Variants in SGCZ observed in about 807,000 individuals in gnomAD.
The protein encoded by SGCZ is zeta-sarcoglycan.
In SGCZ, 40 loss-of-function variants were observed where a neutral mutation model predicts 41.3. The observed-to-expected ratio is 0.97, with a 90% CI of 0.75 to 1.26. The LOEUF is 1.26. Among genes scored for constraint, SGCZ ranks in the 50% most tolerant of loss-of-function variants. The pLI, the probability that SGCZ is intolerant of heterozygous loss-of-function variation, is 0.00. For synonymous variants in SGCZ, 206 were observed against 137.5 expected, an observed-to-expected ratio of 1.50 and a Z score of -3.49; for missense variants, 552 against 369.8, an observed-to-expected ratio of 1.49 and a Z score of -4.04.
At chr8:14,997,287 C>G (rs1453100019) in intron 1 of SGCZ, among the ~76,000 whole-genome samples, 1 of 152,118 alleles carries the variant, frequency 6.6e-6, no homozygotes, top group Non-Finnish European at 1.5e-5. Context: ...TATTTCTTTG[C>G]TATGAAACAT....
At chr8:14,312,203 G>A (rs557215871) in intron 3 of SGCZ, among the ~76,000 whole-genome samples, 2 of 152,170 alleles carry the variant, frequency 1.3e-5, no homozygotes, top group African/African-American at 2.4e-5. Flanking sequence ...GATTTGAAAC[G>A]TTCAGAACGT....
chr8:14,708,812 A>AGTCT (rs1554485100), intron 1 of SGCZ, among the ~76,000 whole-genome samples: 2 of 148,584 alleles, frequency 1.3e-5, no homozygotes, highest in African/African-American at 2.5e-5. Flanking sequence ...GTTTTATTCG[A>AGTCT]GTGTGTGTGT....
At chr8:15,081,799 A>T (rs990204569) in intron 1 of SGCZ, among the ~76,000 whole-genome samples, 2 of 152,196 alleles carry the variant, frequency 1.3e-5, no homozygotes, top group East Asian at 3.8e-4. Flanking sequence ...CCAGGGTTAC[A>T]GGTGTGCTAT....
chr8:14,784,976 AT>A (rs1268794462), intron 1 of SGCZ, among the ~76,000 whole-genome samples: 47 of 140,768 alleles, frequency 3.3e-4, no homozygotes, highest in South Asian at 8.7e-4. Context: ...TAATATATAT[AT>A]TTTTTATATA....
At chr8:14,622,808 G>C (rs1806328670) in intron 1 of SGCZ, among the ~76,000 whole-genome samples, 1 of 152,108 alleles carries the variant, frequency 6.6e-6, no homozygotes, top group Non-Finnish European at 1.5e-5. Flanking sequence ...TGTTATTAGT[G>C]GCTTCCAGTT....
chr8:15,114,145 G>A (rs563119850), intron 1 of SGCZ, among the ~76,000 whole-genome samples: 1 of 152,144 alleles, frequency 6.6e-6, no homozygotes, highest in East Asian at 1.9e-4. Flanking sequence ...ATTCTAACTT[G>A]CATCCGAATA....
intron 2 of SGCZ, among the ~76,000 whole-genome samples, chr8:14,548,884 G>T (rs184680215): frequency 6.6e-6 from 1 of 152,042 alleles, no homozygotes; most frequent in African/African-American, 2.4e-5. Context: ...GGTATTTGGC[G>T]GGAATTATGT....
At chr8:14,931,184 G>A (rs1799913646) in intron 1 of SGCZ, among the ~76,000 whole-genome samples, 1 of 151,772 alleles carries the variant, frequency 6.6e-6, no homozygotes, top group African/African-American at 2.4e-5. Flanking sequence ...TTTCCTTGCT[G>A]GATTCTTGAT....
intron 5 of SGCZ, among the ~76,000 whole-genome samples, chr8:14,128,764 A>T (rs1010681545): frequency 6.6e-6 from 1 of 152,130 alleles, no homozygotes; most frequent in African/African-American, 2.4e-5. Flanking sequence ...CAGCCATAAA[A>T]AAAGAATAAA....
intron 1 of SGCZ, among the ~76,000 whole-genome samples, chr8:14,699,060 T>C (rs999473346): frequency 1.3e-5 from 2 of 151,708 alleles, no homozygotes; most frequent in African/African-American, 2.4e-5. Flanking sequence ...TCTAACTTCT[T>C]TGAGCTTTAA....
At chr8:14,876,421 T>C (rs1263928115) in intron 1 of SGCZ, among the ~76,000 whole-genome samples, 1 of 152,172 alleles carries the variant, frequency 6.6e-6, no homozygotes, top group Non-Finnish European at 1.5e-5. Context: ...GTCAATTACG[T>C]TACTTTCATT....
At chr8:14,341,086 G>A (rs1026518411) in intron 2 of SGCZ, among the ~76,000 whole-genome samples, 1 of 152,094 alleles carries the variant, frequency 6.6e-6, no homozygotes, top group Non-Finnish European at 1.5e-5. Flanking sequence ...AGTCATCTAT[G>A]TTGTAGCATG....
At chr8:14,787,858 G>C (rs1363885725) in intron 1 of SGCZ, among the ~76,000 whole-genome samples, 1 of 151,966 alleles carries the variant, frequency 6.6e-6, no homozygotes, top group Non-Finnish European at 1.5e-5. Context: ...AAAAAAAAAG[G>C]AATATTCCTA....
At chr8:14,912,496 T>G (rs1279432100) in intron 1 of SGCZ, among the ~76,000 whole-genome samples, 2 of 152,088 alleles carry the variant, frequency 1.3e-5, no homozygotes, top group Admixed American at 1.3e-4. Context: ...ATGCATCATT[T>G]TATAAACATT....
chr8:14,231,639 C>A (rs983599515), intron 4 of SGCZ, among the ~76,000 whole-genome samples: 7 of 151,956 alleles, frequency 4.6e-5, no homozygotes, highest in African/African-American at 7.3e-5. Flanking sequence ...CATAACTACC[C>A]TTTTTGTTAT....
intron 1 of SGCZ, among the ~76,000 whole-genome samples, chr8:14,948,441 A>G (rs1165703035): frequency 6.6e-6 from 1 of 151,830 alleles, no homozygotes; most frequent in Admixed American, 6.6e-5. Context: ...CTTTGAAAAG[A>G]TTGTCCTCAC....
At chr8:15,015,748 TG>T in intron 1 of SGCZ, among the ~76,000 whole-genome samples, 1 of 149,670 alleles carries the variant, frequency 6.7e-6, no homozygotes, top group Non-Finnish European at 1.5e-5. Context: ...TGTGTGTGTG[TG>T]TGTGTGTGTG....
intron 1 of SGCZ, among the ~76,000 whole-genome samples, chr8:14,626,315 C>T (rs1040633356): frequency 2.0e-5 from 3 of 152,112 alleles, no homozygotes; most frequent in African/African-American, 7.2e-5. Context: ...TCCCCCAACC[C>T]CCTCAACAGG....
At chr8:14,814,002 A>G (rs2130546036) in intron 1 of SGCZ, among the ~76,000 whole-genome samples, 1 of 152,284 alleles carries the variant, frequency 6.6e-6, no homozygotes, top group Non-Finnish European at 1.5e-5. Flanking sequence ...CACAAGTGCT[A>G]CAAAAGATAA....
Sources: allele counts gnomAD v4.1 joint callset (sites outside exome capture counted in the v4.1 genomes callset), GRCh38; gene constraint gnomAD v4.1.1; transcripts MANE v1.5; gene names NCBI Gene and HGNC (gene_info 2026-07-23, HGNC 2026-07-21).